The following NUP58 variants were observed in gnomAD, a reference collection of about 807,000 sequenced individuals.
NUP58 encodes the protein nucleoporin 58, also known as nucleoporin p58/p45.
Under a neutral mutation model 70.1 loss-of-function variants are expected in NUP58, and 17 were observed. The observed-to-expected ratio is 0.24, with a 90% CI of 0.17 to 0.36. NUP58 has a LOEUF of 0.36. Ranked by LOEUF, NUP58 falls within the 10% of genes least tolerant of loss-of-function variation. The pLI, the probability that NUP58 is intolerant of heterozygous loss-of-function variation, is 1.00. For synonymous variants in NUP58, 275 were observed against 257.6 expected, an observed-to-expected ratio of 1.07 and a Z score of -0.65; for missense variants, 644 against 701.5, an observed-to-expected ratio of 0.92 and a Z score of 0.93.
At position 25,301,865 on chromosome 13, in the gene NUP58, G is replaced by C. The variant is rs776292538; in HGVS notation, c.92G>C (p.Gly31Ala). The part of the protein sequence containing the change: ...GTSTGGVFSF[G>A]TGASSNPSVG... The stretch of plus-strand genomic sequence containing the variant: ...AGCACAGGCGGCGTTTTCTCCTTCG[G>C]AACGGGAGCGTCTAGGTAACCGCAC... The change falls in exon 1 of 16, where the codon GGA becomes GCA. Residue 31 changes from glycine to alanine, a missense_variant. Gly to Ala is a moderately conservative substitution (Grantham distance 60, BLOSUM62 0). Transcript: ENST00000381736. The C allele has an allele frequency of 8.1e-6, 13 of 1,612,684 alleles. No homozygotes were observed. Among genetic ancestry groups the C allele is most frequent in the East Asian group, 4.5e-5 (2 of 44,834 alleles).
intron 1 of NUP58, among the ~76,000 whole-genome samples, chr13:25,306,393 CAAAAAA>C: frequency 1.8e-5 from 1 of 55,528 alleles, no homozygotes; most frequent in African/African-American, 5.8e-5. Context: ...GACTCCGTCT[CAAAAAA>C]AAAAAAAAAA....
intron 6 of NUP58, among the ~76,000 whole-genome samples, chr13:25,318,371 G>T (rs1397774373): frequency 1.3e-5 from 2 of 152,034 alleles, no homozygotes; most frequent in Non-Finnish European, 1.5e-5. Context: ...TTGCCCTGTT[G>T]CCCAGGCTGG....
At chr13:25,348,874 C>CT (rs2032077988) in intron 3 of NUP58, among the ~76,000 whole-genome samples, 1 of 152,122 alleles carries the variant, frequency 6.6e-6, no homozygotes, top group African/African-American at 2.4e-5. Flanking sequence ...ATTTCAAACT[C>CT]TTTTTCGTAA....
chr13:25,319,241 T>G, intron 6 of NUP58, 85 bp from the exon 7 acceptor site: 1 of 1,150,072 alleles, frequency 8.7e-7, no homozygotes. Flanking sequence ...ATTTATACTT[T>G]AATTTGTGTT....
chr13:25,301,992 G>C, intron 1 of NUP58, 112 bp downstream of exon 1: 1 of 715,764 alleles, frequency 1.4e-6, no homozygotes, highest in Non-Finnish European at 2.3e-6. Flanking sequence ...TCCCAGTGGG[G>C]CTGGAGAGAA....
chr13:25,327,174 C>T, intron 11 of NUP58, 140 bp downstream of exon 11: 1 of 577,764 alleles, frequency 1.7e-6, no homozygotes, highest in Non-Finnish European at 3.1e-6. Context: ...TCCTTTATTC[C>T]CTATAAATAT....
At chr13:25,334,337 A>G (rs2031710928) in intron 13 of NUP58, 1 of 985,336 alleles carries the variant, frequency 1.0e-6, no homozygotes, top group Non-Finnish European at 1.2e-6. Context: ...GTGTTTTGAC[A>G]CTTTAAGAGT....
At chr13:25,309,035 ATTCC>A (rs1460417037) in intron 2 of NUP58, among the ~76,000 whole-genome samples, 4 of 152,332 alleles carry the variant, frequency 2.6e-5, no homozygotes, top group Admixed American at 1.3e-4. Flanking sequence ...TATAAATTTT[ATTCC>A]TTAATCAAAT....
chr13:25,307,999 C>G (rs958713078), intron 2 of NUP58, 51 bp downstream of exon 2: 2 of 1,598,094 alleles, frequency 1.3e-6, no homozygotes, highest in Non-Finnish European at 1.7e-6. Context: ...GATATTCTTT[C>G]CTAAATTGTG....
downstream of NUP58, among the ~76,000 whole-genome samples, chr13:25,347,341 T>C (rs1445211614): frequency 6.6e-6 from 1 of 152,174 alleles, no homozygotes; most frequent in East Asian, 1.9e-4. Context: ...TCATACCACA[T>C]TGGCCAGCAC....
intron 4 of NUP58, among the ~76,000 whole-genome samples, 163 bp from the exon 5 acceptor site, chr13:25,313,451 T>C (rs545346410): frequency 2.0e-5 from 3 of 152,370 alleles, no homozygotes; most frequent in East Asian, 1.9e-4. Context: ...GCTTTGAAGC[T>C]GCTATTTCTC....
At chr13:25,311,252 A>G (rs766682312) in intron 3 of NUP58, among the ~76,000 whole-genome samples, 4 of 152,204 alleles carry the variant, frequency 2.6e-5, no homozygotes, top group Non-Finnish European at 5.9e-5. Context: ...GGGACCAGAT[A>G]GGAAAGGGAG....
chr13:25,346,211 C>T (rs2032047739), downstream of NUP58, among the ~76,000 whole-genome samples: 1 of 152,144 alleles, frequency 6.6e-6, no homozygotes, highest in Non-Finnish European at 1.5e-5. Context: ...TTATGAGCTG[C>T]CATACGTTAA....
chr13:25,306,956 GT>G (rs1378357885), intron 1 of NUP58, among the ~76,000 whole-genome samples: 1 of 151,984 alleles, frequency 6.6e-6, no homozygotes, highest in Non-Finnish European at 1.5e-5. Context: ...GTCCCCACTA[GT>G]TTTTCTATGC....
intron 13 of NUP58, chr13:25,331,969 A>G (rs1008851702): frequency 2.9e-6 from 3 of 1,033,176 alleles, no homozygotes; most frequent in Admixed American, 5.0e-5. Context: ...GTGCATTCTC[A>G]TTTTCCTCAT....
intron 6 of NUP58, among the ~76,000 whole-genome samples, chr13:25,317,409 A>G (rs748525486): frequency 1.3e-5 from 2 of 152,206 alleles, no homozygotes; most frequent in Admixed American, 1.3e-4. Flanking sequence ...GAAGGCAAGA[A>G]TTGTCATGGA....
rs183042973 is a variant in NUP58 at position 25,333,737 on chromosome 13, C to A, written c.1435+2179C>A. 8.0e-5 allele frequency: 79 copies of A among 985,312 alleles called. No homozygotes were observed. The Admixed American group carries it at 2.7e-3, about 34-fold the overall frequency. The allele number at this position is 985,312 out of a possible 1,614,324, so 61.0% of individuals were successfully genotyped here. The stretch of plus-strand genomic sequence containing the variant: ...ATTTATCAAATGGTGTTTTGTACCC[C>A]ATAAGTTATCCCTTATGCCCTGTGA... On this transcript the variant is annotated intron_variant, in intron 13 of 15. Coordinates refer to ENST00000381736, the MANE Select transcript of NUP58 (RefSeq NM_014089.4).
chr13:25,301,830 C>T lies in NUP58; in HGVS notation c.57C>T (p.Ala19=), dbSNP rs1203619137. 5 of 1,613,640 alleles carry T rather than the reference C, an allele frequency of 3.1e-6. No individual in the cohort carries two copies. Among genetic ancestry groups the T allele is most frequent in the Non-Finnish European group, 4.2e-6 (5 of 1,179,854 alleles). ...SGTLGSTTVA[A]GGTSTGGVFS... is the part of the protein sequence containing the mutation. ...CTCTGGGCTCCACCACCGTGGCCGC[C>T]GGCGGGACCAGCACAGGCGGCGTTT... is the stretch of plus-strand genomic sequence containing the variant. Residue 19 remains alanine (A), a synonymous_variant, in exon 1 of 16, where the codon GCC becomes GCT. Transcript: ENST00000381736.
Position 25,340,349 on chromosome 13 carries a change from A to C in NUP58, c.*215A>C. 2.3e-6 allele frequency: 1 copy of C among 440,974 alleles called. No individual in the cohort carries two copies. Among genetic ancestry groups the C allele is most frequent in the Non-Finnish European group, 3.9e-6 (1 of 255,712 alleles). The allele number at this position is 440,974 out of a possible 1,614,324, so 27.3% of individuals were successfully genotyped here. On this transcript the variant is annotated 3_prime_UTR_variant, in exon 16 of 16. Coordinates refer to ENST00000381736, the MANE Select transcript of NUP58 (RefSeq NM_014089.4). ...CCAGCTGTGTTTTCTTTTTAATTTG[A>C]TTCTCAGTGTAAGAAATGTTCTGAT...
Sources: gnomAD v4.1 joint callset for allele counts (sites outside exome capture counted in the v4.1 genomes callset) on GRCh38, gnomAD v4.1.1 for gene constraint, MANE v1.5 for transcripts, NCBI Gene and HGNC (gene_info 2026-07-23, HGNC 2026-07-21) for gene names.